Variants in CLEC4F observed in about 807,000 individuals in gnomAD.
The protein encoded by CLEC4F is C-type lectin domain family 4 member F, also known as C-type (calcium dependent, carbohydrate-recognition domain) lectin, superfamily member 13.
Under a neutral mutation model 53.4 loss-of-function variants are expected in CLEC4F, and 45 were observed. The observed-to-expected ratio is 0.84, with a 90% CI of 0.66 to 1.08. The LOEUF is 1.08. Ranked by LOEUF, CLEC4F falls within the 50% of genes least tolerant of loss-of-function variation. CLEC4F has a pLI of 0.00. For missense variants in CLEC4F, 753 were observed against 698.2 expected (o/e 1.08, Z -0.88); for synonymous variants, 245 against 257.5 (o/e 0.95, Z 0.46).
chr2:70,809,257 T>C lies in CLEC4F; in HGVS notation c.*14A>G. The C allele has an allele frequency of 6.2e-7, 1 of 1,613,356 alleles. No homozygotes were observed. The highest frequency in any genetic ancestry group is 8.5e-7 in the Non-Finnish European group (1 of 1,179,804). ...AGAAGGAGTACCCTGAGGGTGTCTG[T>C]GCTCAGGTTGCTCTTAGTTACTGAG... On this transcript the variant is annotated 3_prime_UTR_variant, in exon 7 of 7. Coordinates refer to ENST00000272367, the MANE Select transcript of CLEC4F (RefSeq NM_173535.3).
chr2:70,817,404 T>TAAGG (rs1553396696), intron 3 of CLEC4F, among the ~76,000 whole-genome samples: 4 of 152,226 alleles, frequency 2.6e-5, no homozygotes. Flanking sequence ...GTCATGCTGG[T>TAAGG]AAGGCTTGGA....
intron 3 of CLEC4F, among the ~76,000 whole-genome samples, chr2:70,817,574 A>T (rs1445858794): frequency 6.6e-6 from 1 of 152,224 alleles, no homozygotes; most frequent in Non-Finnish European, 1.5e-5. Flanking sequence ...ATATTTGTAC[A>T]CCAAGCATAG....
chr2:70,813,551 CTTTTTTTCTTTCTT>C (rs1676691735), intron 4 of CLEC4F, among the ~76,000 whole-genome samples: 1 of 132,220 alleles, frequency 7.6e-6, no homozygotes, highest in African/African-American at 2.9e-5. Context: ...TTCTTTCTTT[CTTTTTTTCTTTCTT>C]TCTCTTTCTT....
chr2:70,824,703 A>G (rs1553398669), upstream of CLEC4F, among the ~76,000 whole-genome samples: 1 of 151,124 alleles, frequency 6.6e-6, no homozygotes, highest in African/African-American at 2.4e-5. Flanking sequence ...CCAATGGCCA[A>G]AGCCAGAGCA....
At position 70,812,617 on chromosome 2, in the gene CLEC4F, A is replaced by G; in HGVS notation, c.1388-19T>C. 1 of 1,612,846 alleles carries G rather than the reference A, an allele frequency of 6.2e-7. No homozygotes were observed. The highest frequency in any genetic ancestry group is 1.3e-5 in the African/African-American group (1 of 74,828). ...AGCTGACCTGGAGCAAAGATTGGGG[A>G]GAAAAGAGAACCAGGAGCTGCTGGT... On this transcript the variant is annotated intron_variant, in intron 4 of 6. Transcript: ENST00000272367.
rs1553394991 is a variant in CLEC4F at position 70,813,614 on chromosome 2, T to TCTTTCTTTCTTTCTTTCTTTCTTC, written c.1388-1017_1388-1016insGAAGAAAGAAAGAAAGAAAGAAAG. Among the ~76,000 whole-genome samples, 436 of 141,866 alleles carry TCTTTCTTTCTTTCTTTCTTTCTTC rather than the reference T, an allele frequency of 3.1e-3. 3 individuals carry two copies. Among genetic ancestry groups the TCTTTCTTTCTTTCTTTCTTTCTTC allele is most frequent in the African/African-American group, 0.012 (417 of 34,820 alleles). The allele number at this position is 141,866 out of a possible 152,430, so 93.1% of individuals were successfully genotyped here. On this transcript the variant is annotated intron_variant, in intron 4 of 6. Coordinates refer to ENST00000272367, the MANE Select transcript of CLEC4F (RefSeq NM_173535.3). The stretch of plus-strand genomic sequence containing the variant: ...CTTTCTTTCTCTTTCTTTCTTTCTT[T>TCTTTCTTTCTTTCTTTCTTTCTTC]CTTTCTTTCTTTCTTTCTTTCTTTC...
chr2:70,812,634 G>A, intron 4 of CLEC4F, 36 bp from the exon 5 acceptor site: 1 of 1,610,686 alleles, frequency 6.2e-7, no homozygotes, highest in Non-Finnish European at 8.5e-7. Context: ...AGAACCAGGA[G>A]CTGCTGGTAG....
chr2:70,819,544 G>A (rs1322543744), intron 2 of CLEC4F, 100 bp from the exon 3 acceptor site: 24 of 1,157,914 alleles, frequency 2.1e-5, no homozygotes, highest in Non-Finnish European at 3.1e-5. Flanking sequence ...CGGGGAGATA[G>A]CAGCAAAGAC....
chr2:70,810,893 C>G (rs1293465747), intron 5 of CLEC4F: 1 of 549,586 alleles, frequency 1.8e-6, no homozygotes, highest in African/African-American at 1.9e-5. Flanking sequence ...TATTTCATCA[C>G]AAATTTAATA....
intron 3 of CLEC4F, among the ~76,000 whole-genome samples, chr2:70,817,970 G>C (rs1677022911): frequency 6.6e-6 from 1 of 152,104 alleles, no homozygotes; most frequent in African/African-American, 2.4e-5. Context: ...TCTACCTCTG[G>C]TCCTGCTAGC....
At chr2:70,821,228 C>T (rs372191691), upstream of CLEC4F, among the ~76,000 whole-genome samples, 11 of 152,134 alleles carry the variant, frequency 7.2e-5, no homozygotes, top group South Asian at 4.1e-4. Flanking sequence ...ACTCCTAAAA[C>T]GCTTAGAGTT....
chr2:70,816,812 G>A lies in CLEC4F; in HGVS notation c.569C>T (p.Ala190Val), dbSNP rs782701756. The A allele has an allele frequency of 1.2e-6, 2 of 1,614,144 alleles. No homozygotes were observed. Among genetic ancestry groups the A allele is most frequent in the African/African-American group, 1.3e-5 (1 of 75,034 alleles). Residue 190 changes from alanine (A) to valine (V), a missense_variant, in exon 4 of 7, where the codon GCA (alanine) becomes GTA (valine). Transcript: ENST00000272367. ...CAGCGTCTGGAAAGTTAAAGCATCT[G>A]CCTTTTCAAGGTCTTCCTTGAGCCT... ...IQRLKEDLEK[A>V]DALTFQTLNF...
upstream of CLEC4F, among the ~76,000 whole-genome samples, chr2:70,824,470 A>G (rs1677297937): frequency 6.6e-6 from 1 of 152,016 alleles, no homozygotes; most frequent in Admixed American, 6.6e-5. Flanking sequence ...ACAGCCACAC[A>G]GCCCCCAGGT....
chr2:70,818,487 A>G (rs1347099886), intron 3 of CLEC4F, among the ~76,000 whole-genome samples: 1 of 152,100 alleles, frequency 6.6e-6, no homozygotes, highest in African/African-American at 2.4e-5. Flanking sequence ...TGAGGTGGGC[A>G]GATCACGAGG....
intron 5 of CLEC4F, chr2:70,810,913 C>A (rs1676521153): frequency 1.1e-5 from 6 of 536,872 alleles, no homozygotes; most frequent in Admixed American, 2.2e-5. Flanking sequence ...AAACCAATGG[C>A]ACAAAAATGT....
At position 70,809,016 on chromosome 2, in the gene CLEC4F, GAC is replaced by G. The variant is rs1286690894; in HGVS notation, c.*253_*254del. 8 of 1,428,682 alleles carry G rather than the reference GAC, an allele frequency of 5.6e-6. No homozygotes were observed. In the African/African-American group the frequency reaches 7.1e-5, roughly 13 times the overall value. 88.5% of individuals were successfully genotyped at this position (1,428,682 alleles called of 1,614,324 possible). ...TGTCATTCCACTTCTGCTGAATTTG[GAC>G]ACAGTCTTCAGTCTGCCCATTCTTG... On this transcript the variant is annotated 3_prime_UTR_variant, in exon 7 of 7. Transcript: ENST00000272367.
At position 70,816,213 on chromosome 2, in the gene CLEC4F, T is replaced by A; in HGVS notation, c.1168A>T (p.Ile390Leu). The change falls in exon 4 of 7, where the codon ATA (isoleucine) becomes TTA (leucine). Residue 390 changes from isoleucine to leucine, a missense_variant. Coordinates refer to ENST00000272367, the MANE Select transcript of CLEC4F (RefSeq NM_173535.3). ...TTCATTCCTTGTTTTAGGGTCTGTA[T>A]CTCTCTGCTGGCATTTTTCATATGA... ...NGHMKNASREIQTLKQGMKNA... is the reference protein window; with the variant it reads ...NGHMKNASRELQTLKQGMKNA... 6.2e-7 allele frequency: 1 copy of A among 1,614,200 alleles called. No homozygotes were observed. Among genetic ancestry groups the A allele is most frequent in the Non-Finnish European group, 8.5e-7 (1 of 1,180,032 alleles).
At chr2:70,824,040 AAG>A (rs1558624110), upstream of CLEC4F, among the ~76,000 whole-genome samples, 12 of 137,996 alleles carry the variant, frequency 8.7e-5, no homozygotes, top group South Asian at 2.4e-4. Context: ...AAAAAAAAGA[AAG>A]AAAGAAAGAA....
At chr2:70,824,535 T>G (rs1479056232), upstream of CLEC4F, among the ~76,000 whole-genome samples, 2 of 144,952 alleles carry the variant, frequency 1.4e-5, no homozygotes, top group African/African-American at 5.2e-5. Context: ...ATTAGAGAAA[T>G]GGCTGACTCT....
Sources: gnomAD v4.1 joint callset for allele counts (sites outside exome capture counted in the v4.1 genomes callset) on GRCh38, gnomAD v4.1.1 for gene constraint, MANE v1.5 for transcripts, NCBI Gene and HGNC (gene_info 2026-07-23, HGNC 2026-07-21) for gene names.